The following GNPTAB variants were observed in gnomAD, a reference collection of about 807,000 sequenced individuals.
The protein encoded by GNPTAB is N-acetylglucosamine-1-phosphotransferase subunits alpha/beta.
Under a neutral mutation model 136.6 loss-of-function variants are expected in GNPTAB, and 92 were observed. The observed-to-expected ratio is 0.67, with a 90% CI of 0.57 to 0.80. GNPTAB has a LOEUF of 0.80. GNPTAB is among the 30% of genes least tolerant of loss of function. The probability of loss-of-function intolerance (pLI) is 0.00; values close to 1 mark genes in which losing one functional copy is unlikely to be tolerated. For synonymous variants in GNPTAB, 512 were observed against 535.1 expected, an observed-to-expected ratio of 0.96 and a Z score of 0.60; for missense variants, 1,343 against 1,501.8, an observed-to-expected ratio of 0.89 and a Z score of 1.75.
intron 7 of GNPTAB, among the ~76,000 whole-genome samples, chr12:101,771,845 C>G (rs1158239857): frequency 6.6e-6 from 1 of 152,238 alleles, no homozygotes; most frequent in Admixed American, 6.5e-5. Flanking sequence ...TGCTGGCCAA[C>G]AGTTCTGTGA....
chr12:101,814,894 A>G (rs1476060192), intron 1 of GNPTAB, among the ~76,000 whole-genome samples: 4 of 152,200 alleles, frequency 2.6e-5, no homozygotes, highest in Admixed American at 2.6e-4. Context: ...CATGTCCTGT[A>G]GGCCTCGAGA....
intron 1 of GNPTAB, among the ~76,000 whole-genome samples, chr12:101,805,095 A>T (rs956117604): frequency 1.3e-5 from 2 of 152,194 alleles, no homozygotes; most frequent in Admixed American, 1.3e-4. Context: ...AATTACCAAC[A>T]TATGAACAAA....
chr12:101,753,924 C>G (rs999042974), intron 18 of GNPTAB, among the ~76,000 whole-genome samples: 2 of 151,950 alleles, frequency 1.3e-5, no homozygotes, highest in Admixed American at 6.6e-5. Context: ...CAGAGGTGGG[C>G]AGATCACCTG....
intron 7 of GNPTAB, 177 bp downstream of exon 7, chr12:101,779,975 C>G: frequency 1.5e-6 from 1 of 668,654 alleles, no homozygotes; most frequent in Non-Finnish European, 2.6e-6. Flanking sequence ...AAATAAGACT[C>G]TTAGATTTTT....
chr12:101,826,446 G>A (rs796782594), intron 1 of GNPTAB, among the ~76,000 whole-genome samples: 1 of 151,606 alleles, frequency 6.6e-6, no homozygotes, highest in Non-Finnish European at 1.5e-5. Context: ...AATACTGGAG[G>A]GGCTTTCAAC....
At chr12:101,772,885 C>T (rs758213736) in intron 7 of GNPTAB, among the ~76,000 whole-genome samples, 26 of 152,274 alleles carry the variant, frequency 1.7e-4, no homozygotes, top group African/African-American at 5.8e-4. Flanking sequence ...GATGTGATCT[C>T]GGCTCACTGC....
chr12:101,748,941 T>C (rs989133770), intron 20 of GNPTAB, among the ~76,000 whole-genome samples, 160 bp downstream of exon 20: 2 of 152,244 alleles, frequency 1.3e-5, no homozygotes, highest in African/African-American at 2.4e-5. Context: ...ATTTGCTGCC[T>C]GAATATTGTG....
intron 1 of GNPTAB, among the ~76,000 whole-genome samples, chr12:101,805,867 C>T (rs751806371): frequency 5.3e-5 from 8 of 152,096 alleles, no homozygotes; most frequent in Non-Finnish European, 1.0e-4. Context: ...CACCCAAAGG[C>T]TTCTGTACGA....
intron 2 of GNPTAB, among the ~76,000 whole-genome samples, chr12:101,792,415 C>T (rs1476774046): frequency 6.6e-6 from 1 of 152,188 alleles, no homozygotes. Context: ...TATGTGATAG[C>T]TGAGTACTTA....
chr12:101,829,278 A>G (rs1871252409), intron 1 of GNPTAB, among the ~76,000 whole-genome samples: 1 of 152,180 alleles, frequency 6.6e-6, no homozygotes, highest in African/African-American at 2.4e-5. Context: ...TGAGGTCAGA[A>G]GTTTGAGACC....
intron 1 of GNPTAB, among the ~76,000 whole-genome samples, chr12:101,819,878 A>T (rs117466029): frequency 0.021 from 3,274 of 152,378 alleles, 50 homozygotes; most frequent in Non-Finnish European, 0.034. Context: ...ATTAGTATAC[A>T]GTACAAGCTA....
intron 1 of GNPTAB, among the ~76,000 whole-genome samples, chr12:101,821,718 C>T (rs970633597): frequency 4.6e-5 from 7 of 152,104 alleles, no homozygotes; most frequent in Non-Finnish European, 7.4e-5. Flanking sequence ...AAGGGCTCAA[C>T]AAAATTACCA....
chr12:101,752,046 G>A (rs924735000), intron 19 of GNPTAB, among the ~76,000 whole-genome samples: 1 of 150,472 alleles, frequency 6.6e-6, no homozygotes, highest in African/African-American at 2.4e-5. Flanking sequence ...CCTTAGTAAG[G>A]TATTGTTACT....
chr12:101,774,609 T>C (rs1261605121), intron 7 of GNPTAB, among the ~76,000 whole-genome samples: 1 of 152,176 alleles, frequency 6.6e-6, no homozygotes, highest in Admixed American at 6.5e-5. Flanking sequence ...GATATAAGAA[T>C]TGAAAAAGCA....
Position 101,761,778 on chromosome 12 carries a change from C to T in GNPTAB, c.2716-15G>A. The T allele has an allele frequency of 6.4e-7, 1 of 1,560,226 alleles. No individual in the cohort carries two copies. The highest frequency in any genetic ancestry group is 2.2e-5 in the East Asian group (1 of 44,600). On this transcript the variant is annotated splice_polypyrimidine_tract_variant and intron_variant, in intron 13 of 20. Transcript: ENST00000299314. ...GACTCTTCTTCCTGAAAAGAGAATT[C>T]TACATGTAACTCAGCATTATGTTTA...
At chr12:101,815,424 C>A (rs969707376) in intron 1 of GNPTAB, among the ~76,000 whole-genome samples, 5 of 152,130 alleles carry the variant, frequency 3.3e-5, no homozygotes, top group Admixed American at 3.3e-4. Flanking sequence ...AATAAAGAGA[C>A]TTGTCCAAAG....
chr12:101,817,455 G>C (rs1870565542), intron 1 of GNPTAB, among the ~76,000 whole-genome samples: 1 of 151,610 alleles, frequency 6.6e-6, no homozygotes, highest in Non-Finnish European at 1.5e-5. Flanking sequence ...TTTTTGTAGA[G>C]ATGGGGTTTT....
chr12:101,769,875 C>T (rs1953144921), intron 10 of GNPTAB, 146 bp downstream of exon 10: 2 of 841,092 alleles, frequency 2.4e-6, no homozygotes, highest in African/African-American at 1.7e-5. Context: ...AAGTGATCCA[C>T]CCACCTCCGC....
intron 6 of GNPTAB, 90 bp downstream of exon 6, chr12:101,780,467 T>A (rs1953325554): frequency 1.8e-6 from 2 of 1,121,832 alleles, no homozygotes; most frequent in South Asian, 1.3e-5. Flanking sequence ...AAAATAAACA[T>A]TAAAAAGATT....
Sources: gnomAD v4.1 joint callset for allele counts (sites outside exome capture counted in the v4.1 genomes callset) on GRCh38, gnomAD v4.1.1 for gene constraint, MANE v1.5 for transcripts, NCBI Gene and HGNC (gene_info 2026-07-23, HGNC 2026-07-21) for gene names.